The following LARP4B variants were observed in gnomAD, a reference collection of about 807,000 sequenced individuals.
LARP4B encodes the protein la-related protein 4B.
LARP4B carries 12 observed loss-of-function variants against 89.8 expected under a neutral mutation model. The ratio of observed to expected loss-of-function variants is 0.13; its 90% CI spans 0.09 to 0.22. The LOEUF (loss-of-function observed/expected upper bound fraction) is 0.22. Among genes scored for constraint, LARP4B ranks in the 10% least tolerant of loss-of-function variants. LARP4B has a pLI of 1.00. For synonymous variants in LARP4B, 367 were observed against 363.3 expected (o/e 1.01, Z -0.12); for missense variants, 757 against 947.7 (o/e 0.80, Z 2.64).
intron 11 of LARP4B, among the ~76,000 whole-genome samples, chr10:826,529 C>G (rs1564386416): frequency 6.6e-6 from 1 of 152,128 alleles, no homozygotes; most frequent in African/African-American, 2.4e-5. Flanking sequence ...TAAGTATCGG[C>G]CAACTATTTT....
the LARP4B span, among the ~76,000 whole-genome samples, chr10:968,092 CT>C: frequency 6.6e-6 from 1 of 152,126 alleles, no homozygotes; most frequent in African/African-American, 2.4e-5. Context: ...CAAGCAGAGG[CT>C]TCTAGAAATG....
chr10:979,464 C>T, the LARP4B span, among the ~76,000 whole-genome samples: 1 of 152,212 alleles, frequency 6.6e-6, no homozygotes, highest in Non-Finnish European at 1.5e-5. Context: ...ATTTCTCTCA[C>T]TCCCTTTCTG....
Position 815,069 on chromosome 10 carries a change from G to T in LARP4B, c.1697C>A (p.Thr566Asn). 1 of 1,569,100 alleles carries T rather than the reference G, an allele frequency of 6.4e-7. No individual in the cohort carries two copies. Among genetic ancestry groups the T allele is most frequent in the Non-Finnish European group, 8.7e-7 (1 of 1,155,544 alleles). The change falls in exon 16 of 18, where the codon ACC becomes AAC. Residue 566 changes from threonine to asparagine, a missense_variant and splice_region_variant. By Grantham distance (65) the Thr-to-Asn change is moderately conservative. Transcript: ENST00000316157. The stretch of plus-strand genomic sequence containing the variant: ...GTTCACGCTTGCGTCTGCACTGAGG[G>T]TCTGAAACAGGGTCAAGAGTGTTCA... The part of the protein sequence containing the change: ...SLIIGPSKER[T>N]LSADASVNTL...
chr10:848,111 G>A (rs540399069), intron 5 of LARP4B, among the ~76,000 whole-genome samples: 1 of 152,256 alleles, frequency 6.6e-6, no homozygotes, highest in South Asian at 2.1e-4. Flanking sequence ...CCACCTGAGG[G>A]GATCAGAAGT....
chr10:828,443 A>G (rs1216254370), intron 11 of LARP4B, among the ~76,000 whole-genome samples: 1 of 152,158 alleles, frequency 6.6e-6, no homozygotes, highest in Non-Finnish European at 1.5e-5. Context: ...CCGTGTATAC[A>G]GGCACTTGTT....
At chr10:827,805 G>A (rs1832709745) in intron 11 of LARP4B, among the ~76,000 whole-genome samples, 1 of 152,220 alleles carries the variant, frequency 6.6e-6, no homozygotes, top group Non-Finnish European at 1.5e-5. Context: ...ACGGACTCAA[G>A]TCTCTCTGAG....
intron 1 of LARP4B, among the ~76,000 whole-genome samples, chr10:888,921 C>T (rs1475779558): frequency 2.0e-5 from 3 of 152,152 alleles, no homozygotes; most frequent in Admixed American, 2.0e-4. Flanking sequence ...CTCATCTCTA[C>T]ACAAAATACA....
In LARP4B at chr10:930,993, C is replaced by T. The variant is rs866672890; in HGVS notation, c.-40+435G>A. Among the ~76,000 whole-genome samples, 52 of 150,462 alleles carry T rather than the reference C, an allele frequency of 3.5e-4. 1 individual carries two copies. The Middle Eastern group carries it at 0.014, about 40-fold the overall frequency. On this transcript the variant is annotated intron_variant, in intron 1 of 17. Transcript: ENST00000316157. ...GCCCCGCCCAGGCCCTGCCCGACCC[C>T]CGTCCTCGCCGGCCTTCGCCCAACC...
chr10:878,865 CA>C (rs1322370300), intron 3 of LARP4B, among the ~76,000 whole-genome samples: 3 of 151,920 alleles, frequency 2.0e-5, no homozygotes, highest in African/African-American at 4.8e-5. Flanking sequence ...AAAGAGTTTG[CA>C]AAAAAACTAT....
intron 5 of LARP4B, among the ~76,000 whole-genome samples, chr10:861,877 G>C (rs1160131318): frequency 1.3e-5 from 2 of 152,152 alleles, no homozygotes; most frequent in East Asian, 3.9e-4. Context: ...CCTACCATTA[G>C]GATTCTCACT....
rs1475083200 is a variant in LARP4B, at chr10:836,283, A to G, written c.750+120T>C. 8 of 648,798 alleles carry G rather than the reference A, an allele frequency of 1.2e-5. No individual in the cohort carries two copies. In the East Asian group the frequency reaches 1.9e-4, roughly 15 times the overall value. 40.2% of individuals were successfully genotyped at this position (648,798 alleles called of 1,614,324 possible). A position where few individuals can be genotyped will look rare whatever the true frequency, so the allele number is the denominator to read the frequency against. On this transcript the variant is annotated intron_variant, in intron 8 of 17. Coordinates refer to ENST00000316157, the MANE Select transcript of LARP4B (RefSeq NM_015155.3). ...TGTAAATCCTGGGAAAACAGTGTTA[A>G]TGTAAGTACTCAGTCTAAAAAACAC...
In LARP4B at chr10:813,232, G is replaced by A; in HGVS notation, c.1930-19C>T. ...GCAATTCCTGGAAACAGACAATCCT[G>A]GGTTACCTGTGTGAAATGGTGTCTC... On this transcript the variant is annotated intron_variant, in intron 17 of 17. Coordinates refer to ENST00000316157, the MANE Select transcript of LARP4B (RefSeq NM_015155.3). 6.3e-7 allele frequency: 1 copy of A among 1,586,100 alleles called. No homozygotes were observed. The highest frequency in any genetic ancestry group is 1.2e-5 in the South Asian group (1 of 86,106).
At chr10:954,220 G>A in the LARP4B span, among the ~76,000 whole-genome samples, 1 of 152,188 alleles carries the variant, frequency 6.6e-6, no homozygotes, top group Non-Finnish European at 1.5e-5. This position sits in a 1 kb window ranked among gnomAD's most constrained non-coding sequence, Gnocchi z 5.0. Context: ...TCAGCCAAAG[G>A]CCTGTCTTTT....
intron 1 of LARP4B, among the ~76,000 whole-genome samples, chr10:901,935 T>C (rs979326001): frequency 1.3e-5 from 2 of 152,128 alleles, no homozygotes; most frequent in African/African-American, 4.8e-5. Flanking sequence ...ATTGAAAAAG[T>C]ACCTACATGA....
intron 5 of LARP4B, among the ~76,000 whole-genome samples, chr10:860,206 A>C (rs547228575): frequency 2.6e-5 from 4 of 152,246 alleles, no homozygotes; most frequent in Admixed American, 2.6e-4. Context: ...TCTAAAAAAA[A>C]CAGTCTTTTT....
At chr10:855,550 T>C (rs1170493214) in intron 5 of LARP4B, among the ~76,000 whole-genome samples, 2 of 152,114 alleles carry the variant, frequency 1.3e-5, no homozygotes, top group Non-Finnish European at 2.9e-5. Flanking sequence ...ATTTATATAT[T>C]AAGTTTGCCA....
At chr10:876,091 CA>C (rs1360320005) in intron 3 of LARP4B, among the ~76,000 whole-genome samples, 4 of 152,182 alleles carry the variant, frequency 2.6e-5, no homozygotes, top group African/African-American at 9.6e-5. Flanking sequence ...GGCACACACA[CA>C]AAAAAATTCC....
At chr10:941,596 C>T in the LARP4B span, among the ~76,000 whole-genome samples, 2 of 152,230 alleles carry the variant, frequency 1.3e-5, no homozygotes, top group Admixed American at 6.5e-5. Context: ...GCTGGGATTA[C>T]AGGCGCGAGC....
At chr10:825,491 T>C (rs907914507) in intron 12 of LARP4B, among the ~76,000 whole-genome samples, 175 bp from the exon 13 acceptor site, 11 of 152,242 alleles carry the variant, frequency 7.2e-5, no homozygotes, top group African/African-American at 2.2e-4. Flanking sequence ...CTATTAACAA[T>C]GTGCCACAAT....
Sources: gnomAD v4.1 joint callset for allele counts (sites outside exome capture counted in the v4.1 genomes callset) on GRCh38, gnomAD v4.1.1 for gene constraint, Gnocchi (gnomAD v3.1) non-coding constraint, MANE v1.5 for transcripts, NCBI Gene and HGNC (gene_info 2026-07-23, HGNC 2026-07-21) for gene names.